Variants in NRCAM observed in about 807,000 individuals in gnomAD.
NRCAM encodes NgCAM-related cell adhesion molecule.
A neutral mutation model predicts 156.5 loss-of-function variants in NRCAM; 83 were observed. That is an observed-to-expected ratio of 0.53 (90% CI 0.44 to 0.64). NRCAM has a LOEUF of 0.64. Among genes scored for constraint, NRCAM ranks in the 30% least tolerant of loss-of-function variants. The probability of loss-of-function intolerance (pLI) is 0.00; values close to 1 mark genes in which losing one functional copy is unlikely to be tolerated. For synonymous variants in NRCAM, 538 were observed against 563.9 expected (o/e 0.95, Z 0.65); for missense variants, 1,417 against 1,597.3 (o/e 0.89, Z 1.92).
chr7:108,340,458 C>A (rs1441430189), intron 2 of NRCAM, among the ~76,000 whole-genome samples: 3 of 152,090 alleles, frequency 2.0e-5, no homozygotes, highest in African/African-American at 7.2e-5. Context: ...AGACACTAAC[C>A]CCAAATGAGA....
At position 108,231,091 on chromosome 7, in the gene NRCAM, C is replaced by G. The variant is rs2094270328; in HGVS notation, c.490G>C (p.Val164Leu). 10 of 1,609,636 alleles carry G rather than the reference C, an allele frequency of 6.2e-6. No homozygotes were observed. The highest frequency in any genetic ancestry group is 8.5e-6 in the Non-Finnish European group (10 of 1,177,068). The change falls in exon 8 of 33, where the codon GTA becomes CTA. Residue 164 changes from valine to leucine, a missense_variant. Transcript: ENST00000379028. ...CCAATTGGGGGTCTGCAGGGAAGTA[C>G]TAAAGACTGACCACTTTGAAGTGTG... ...PITLQSGQSL[V>L]LPCRPPIGLP...
rs754160030 is a variant in NRCAM, at chr7:108,347,032, G to GTTTTTTTT, written c.-173-34309_-173-34302dup. Among the ~76,000 whole-genome samples the GTTTTTTTT allele has an allele frequency of 4.6e-4, 38 of 83,044 alleles. 2 individuals are homozygous for GTTTTTTTT. The highest frequency in any genetic ancestry group is 5.9e-4 in the Non-Finnish European group (28 of 47,458). 54.5% of individuals were successfully genotyped at this position (83,044 alleles called of 152,430 possible). Reference sequence around the variant, plus strand: ...CATATGTGACTCATATTATATTTCTGTTTTTTTTTTTTTTTTTTTTTTTGA... The same window carrying GTTTTTTTT: ...CATATGTGACTCATATTATATTTCTGTTTTTTTTTTTTTTTTTTTTTTTTTTTTTTTGA... On this transcript the variant is annotated intron_variant, in intron 2 of 32. Transcript: ENST00000379028.
intron 1 of NRCAM, among the ~76,000 whole-genome samples, chr7:108,438,367 A>G (rs1834679678): frequency 6.6e-6 from 1 of 152,186 alleles, no homozygotes; most frequent in African/African-American, 2.4e-5. Flanking sequence ...ACATCCAAAA[A>G]TCAATTAATA....
At chr7:108,196,583 G>C (rs2075251983) in intron 14 of NRCAM, among the ~76,000 whole-genome samples, 1 of 152,130 alleles carries the variant, frequency 6.6e-6, no homozygotes, top group Non-Finnish European at 1.5e-5. Context: ...ATGGGAAAAT[G>C]CCCAATTATC....
At chr7:108,452,601 T>C (rs539758899) in intron 1 of NRCAM, among the ~76,000 whole-genome samples, 1 of 152,298 alleles carries the variant, frequency 6.6e-6, no homozygotes. Flanking sequence ...TAGGGAAGCA[T>C]AAAATTTTAA....
At chr7:108,332,588 T>C (rs2154250831) in intron 2 of NRCAM, among the ~76,000 whole-genome samples, 1 of 152,242 alleles carries the variant, frequency 6.6e-6, no homozygotes, top group Middle Eastern at 3.4e-3. Flanking sequence ...CTAAGAACGA[T>C]TCCTTAAAAA....
chr7:108,168,933 A>G (rs2056729844), intron 28 of NRCAM, among the ~76,000 whole-genome samples: 2 of 152,220 alleles, frequency 1.3e-5, no homozygotes, highest in Non-Finnish European at 2.9e-5. Context: ...TTCTTTGAGT[A>G]TCACTGGGAA....
chr7:108,246,433 C>G (rs1001214683), intron 3 of NRCAM, among the ~76,000 whole-genome samples: 2 of 152,034 alleles, frequency 1.3e-5, no homozygotes, highest in Non-Finnish European at 2.9e-5. Context: ...GAATGTGAGA[C>G]AGAGAGAGAG....
At chr7:108,191,411 A>G (rs536340448) in intron 18 of NRCAM, 128 bp from the exon 19 acceptor site, 3 of 706,036 alleles carry the variant, frequency 4.2e-6, no homozygotes, top group South Asian at 4.7e-5. Context: ...TAGCTGTGAG[A>G]CACAGCATTG....
chr7:108,221,908 T>C (rs1022661168), intron 11 of NRCAM, among the ~76,000 whole-genome samples: 12 of 145,958 alleles, frequency 8.2e-5, no homozygotes, highest in African/African-American at 2.8e-4. Context: ...AGTCATCACA[T>C]GGAACCATGA....
intron 1 of NRCAM, among the ~76,000 whole-genome samples, chr7:108,413,705 C>T (rs1184124514): frequency 6.6e-6 from 1 of 152,198 alleles, no homozygotes; most frequent in Non-Finnish European, 1.5e-5. Flanking sequence ...AATTAACCAA[C>T]AGACATCAAT....
rs1371045346 is a variant in NRCAM at position 108,289,286 on chromosome 7, A to G, written c.-107+23379T>C. ...TTTTAAAGCTGACACAAAATTGTGT[A>G]TATTTACCATGTACAACATGTTTTG... On this transcript the variant is annotated intron_variant, in intron 3 of 32. Transcript: ENST00000379028. 5.3e-5 allele frequency among the ~76,000 whole-genome samples: 8 copies of G among 152,270 alleles called. No homozygotes were observed. In the South Asian group the frequency reaches 1.4e-3, roughly 28 times the overall value.
intron 1 of NRCAM, among the ~76,000 whole-genome samples, chr7:108,404,124 C>T (rs1342832119): frequency 6.6e-6 from 1 of 152,136 alleles, no homozygotes; most frequent in Non-Finnish European, 1.5e-5. Flanking sequence ...TCCAGGCTGA[C>T]TCTGGGTAAA....
At chr7:108,259,159 A>G (rs751427837) in intron 3 of NRCAM, among the ~76,000 whole-genome samples, 1 of 152,094 alleles carries the variant, frequency 6.6e-6, no homozygotes, top group South Asian at 2.1e-4. Context: ...GTCTTTGTTA[A>G]CCCTCTCCTA....
chr7:108,343,061 C>T (rs2099311475), intron 2 of NRCAM, among the ~76,000 whole-genome samples: 1 of 152,178 alleles, frequency 6.6e-6, no homozygotes, highest in Non-Finnish European at 1.5e-5. Context: ...GTTCCCCTGA[C>T]TGATCCCGAC....
chr7:108,279,570 G>A (rs1380373978), intron 3 of NRCAM, among the ~76,000 whole-genome samples: 1 of 151,970 alleles, frequency 6.6e-6, no homozygotes. Flanking sequence ...CCAGGCTGGA[G>A]TGCAGTGGTG....
At chr7:108,214,630 C>T (rs1166887778) in intron 11 of NRCAM, among the ~76,000 whole-genome samples, 1 of 152,024 alleles carries the variant, frequency 6.6e-6, no homozygotes, top group South Asian at 2.1e-4. Context: ...TTAGTTATTT[C>T]TTGTTTTCTG....
At chr7:108,374,890 G>T (rs2099666702) in intron 2 of NRCAM, among the ~76,000 whole-genome samples, 1 of 152,146 alleles carries the variant, frequency 6.6e-6, no homozygotes, top group East Asian at 1.9e-4. Context: ...AGTACTTGTA[G>T]GCAGGAGATG....
At chr7:108,206,925 A>C (rs17155187) in intron 13 of NRCAM, among the ~76,000 whole-genome samples, 36,450 of 152,056 alleles carry the variant, frequency 0.24, 4,610 homozygotes, top group Non-Finnish European at 0.28. Flanking sequence ...GGTGCTGCTC[A>C]AGGATGATAG....
Sources: gnomAD v4.1 joint callset for allele counts (sites outside exome capture counted in the v4.1 genomes callset) on GRCh38, gnomAD v4.1.1 for gene constraint, MANE v1.5 for transcripts, NCBI Gene and HGNC (gene_info 2026-07-23, HGNC 2026-07-21) for gene names.